The following RPS6KC1 variants were observed in gnomAD, a reference collection of about 807,000 sequenced individuals.
RPS6KC1 encodes the protein ribosomal protein S6 kinase C1, also known as inactive ribosomal protein S6 kinase delta-1.
In RPS6KC1, 54 loss-of-function variants were observed where a neutral mutation model predicts 103.8. The ratio of observed to expected loss-of-function variants is 0.52; its 90% CI spans 0.42 to 0.65. The LOEUF (loss-of-function observed/expected upper bound fraction) is 0.65, where lower values mean the gene tolerates loss of function less well. RPS6KC1 is among the 30% of genes least tolerant of loss of function. The pLI, the probability that RPS6KC1 is intolerant of heterozygous loss-of-function variation, is 0.00. For missense variants in RPS6KC1, 1,151 were observed against 1,253.8 expected, an observed-to-expected ratio of 0.92 and a Z score of 1.24; for synonymous variants, 439 against 438.7, an observed-to-expected ratio of 1.00 and a Z score of -0.01.
intron 13 of RPS6KC1, 125 bp from the exon 14 acceptor site, chr1:213,262,596 G>T: frequency 2.9e-6 from 2 of 701,344 alleles, no homozygotes; most frequent in Non-Finnish European, 5.2e-6. Flanking sequence ...GCGGCACTGT[G>T]TTGATTACTA....
At chr1:213,429,757 C>A in the RPS6KC1 span, among the ~76,000 whole-genome samples, 34 of 152,254 alleles carry the variant, frequency 2.2e-4, 1 homozygote, top group African/African-American at 7.0e-4. Flanking sequence ...CTAGGTCTTT[C>A]CCCAGACGGA....
the RPS6KC1 span, among the ~76,000 whole-genome samples, chr1:213,468,449 A>AAGGACTCTC: frequency 1.3e-5 from 2 of 152,156 alleles, no homozygotes; most frequent in African/African-American, 2.4e-5. Flanking sequence ...GAAAAGCATG[A>AAGGACTCTC]AGGACTCTCA....
chr1:213,610,760 C>A, the RPS6KC1 span, among the ~76,000 whole-genome samples: 1 of 152,156 alleles, frequency 6.6e-6, no homozygotes, highest in African/African-American at 2.4e-5. Flanking sequence ...CACATGTGAG[C>A]AATTCAGGTA....
intron 2 of RPS6KC1, among the ~76,000 whole-genome samples, chr1:213,076,439 T>C (rs530754859): frequency 6.6e-6 from 1 of 152,188 alleles, no homozygotes; most frequent in Admixed American, 6.5e-5. Flanking sequence ...TATACTCTAT[T>C]GTATATGAAA....
Position 213,242,634 on chromosome 1 carries a change from A to C in RPS6KC1, c.2887A>C (p.Ile963Leu). The change falls in exon 12 of 15, where the codon ATA (isoleucine) becomes CTA (leucine). Residue 963 changes from isoleucine to leucine, a missense_variant. By Grantham distance (5) the Ile-to-Leu change is conservative (BLOSUM62 2). Transcript: ENST00000366960. Reference protein sequence around the residue: ...EVEDSCDSDAIERMYCAPEVG... With the variant: ...EVEDSCDSDALERMYCAPEVG... ...TGAAGATTCCTGTGACAGCGATGCCATAGAGAGAATGTACTGTGCCCCAGG... is the reference window on the plus strand; with the variant it reads ...TGAAGATTCCTGTGACAGCGATGCCCTAGAGAGAATGTACTGTGCCCCAGG... 6.2e-7 allele frequency: 1 copy of C among 1,612,158 alleles called. No individual in the cohort carries two copies. Among genetic ancestry groups the C allele is most frequent in the East Asian group, 2.2e-5 (1 of 44,782 alleles).
chr1:213,591,881 G>A, the RPS6KC1 span, among the ~76,000 whole-genome samples: 1 of 152,154 alleles, frequency 6.6e-6, no homozygotes, highest in African/African-American at 2.4e-5. Context: ...AGGTGTTAAG[G>A]CTTCTTACCT....
intron 10 of RPS6KC1, among the ~76,000 whole-genome samples, chr1:213,240,343 AAACAG>A (rs1320272462): frequency 1.3e-5 from 2 of 152,150 alleles, no homozygotes; most frequent in Non-Finnish European, 2.9e-5. Flanking sequence ...ATTATTATAT[AAACAG>A]AACAGAACAT....
chr1:213,721,180 G>A, the RPS6KC1 span, among the ~76,000 whole-genome samples: 2 of 152,198 alleles, frequency 1.3e-5, no homozygotes, highest in Admixed American at 1.3e-4. Flanking sequence ...GGCACTGAAG[G>A]TGAAGCTTAG....
chr1:213,210,356 A>G (rs2093470573), intron 8 of RPS6KC1, among the ~76,000 whole-genome samples: 1 of 152,246 alleles, frequency 6.6e-6, no homozygotes, highest in South Asian at 2.1e-4. Flanking sequence ...GAAGGTAACA[A>G]AAAGAGACAA....
the RPS6KC1 span, among the ~76,000 whole-genome samples, chr1:213,747,463 A>T: frequency 5.3e-5 from 8 of 152,294 alleles, no homozygotes; most frequent in Non-Finnish European, 8.8e-5. Flanking sequence ...TGCAAAGGAG[A>T]TCAAAGAGTT....
At chr1:213,529,531 A>G in the RPS6KC1 span, among the ~76,000 whole-genome samples, 1 of 152,210 alleles carries the variant, frequency 6.6e-6, no homozygotes, top group South Asian at 2.1e-4. Context: ...CAGAAACACA[A>G]AGATGTTTAT....
chr1:213,682,558 T>C, the RPS6KC1 span, among the ~76,000 whole-genome samples: 3 of 152,144 alleles, frequency 2.0e-5, no homozygotes, highest in Non-Finnish European at 2.9e-5. Flanking sequence ...ACTAGAAAAA[T>C]TGCTGAAAAG....
intron 8 of RPS6KC1, among the ~76,000 whole-genome samples, chr1:213,218,258 C>T (rs1027582289): frequency 1.3e-5 from 2 of 152,218 alleles, no homozygotes; most frequent in Admixed American, 1.3e-4. Flanking sequence ...CATGAGTGAA[C>T]TCCCATTCAC....
chr1:213,667,663 C>G, the RPS6KC1 span, among the ~76,000 whole-genome samples: 1 of 152,074 alleles, frequency 6.6e-6, no homozygotes, highest in Non-Finnish European at 1.5e-5. Context: ...TTGACTCTGT[C>G]TTTCACAAAA....
At chr1:213,052,517 G>A (rs920659529) in intron 1 of RPS6KC1, among the ~76,000 whole-genome samples, 1 of 152,114 alleles carries the variant, frequency 6.6e-6, no homozygotes, top group African/African-American at 2.4e-5. Flanking sequence ...TATACATTTG[G>A]AGGATGTAAA....
the RPS6KC1 span, among the ~76,000 whole-genome samples, chr1:213,633,271 G>C: frequency 1.3e-5 from 2 of 152,104 alleles, no homozygotes; most frequent in Non-Finnish European, 2.9e-5. Flanking sequence ...TTGAAATGAA[G>C]GAAAAAATGT....
the RPS6KC1 span, among the ~76,000 whole-genome samples, chr1:213,587,753 G>A: frequency 2.6e-5 from 4 of 152,090 alleles, no homozygotes; most frequent in East Asian, 1.9e-4. Flanking sequence ...CCATTTGCAC[G>A]GGATTCGACA....
chr1:213,796,515 A>C, the RPS6KC1 span, among the ~76,000 whole-genome samples: 1 of 152,184 alleles, frequency 6.6e-6, no homozygotes, highest in Non-Finnish European at 1.5e-5. Context: ...CACAGCCCCA[A>C]GAGAAAAAGG....
chr1:213,348,861 T>C, the RPS6KC1 span, among the ~76,000 whole-genome samples: 1 of 152,236 alleles, frequency 6.6e-6, no homozygotes, highest in South Asian at 2.1e-4. Context: ...AAATAATCTT[T>C]AAAGTGCTTA....
Sources: gnomAD v4.1 joint callset for allele counts (sites outside exome capture counted in the v4.1 genomes callset) on GRCh38, gnomAD v4.1.1 for gene constraint, MANE v1.5 for transcripts, NCBI Gene and HGNC (gene_info 2026-07-23, HGNC 2026-07-21) for gene names.